Variants in ASIC1 observed in about 807,000 individuals in gnomAD.
ASIC1 encodes the protein acid sensing ion channel subunit 1.
ASIC1 carries 21 observed loss-of-function variants against 63.4 expected under a neutral mutation model. The ratio of observed to expected loss-of-function variants is 0.33; its 90% CI spans 0.23 to 0.48. The LOEUF is 0.48. Among genes scored for constraint, ASIC1 ranks in the 20% least tolerant of loss-of-function variants. The probability of loss-of-function intolerance (pLI) is 0.99; values close to 1 mark genes in which losing one functional copy is unlikely to be tolerated. For synonymous variants in ASIC1, 258 were observed against 278.2 expected, an observed-to-expected ratio of 0.93 and a Z score of 0.72; for missense variants, 478 against 695.5, an observed-to-expected ratio of 0.69 and a Z score of 3.52.
In ASIC1 at chr12:50,074,581, C is replaced by A. The variant is rs1950634563; in HGVS notation, c.559-2632C>A. Among the ~76,000 whole-genome samples, 1 of 152,212 alleles carries A rather than the reference C, an allele frequency of 6.6e-6. No individual in the cohort carries two copies. The highest frequency in any genetic ancestry group is 6.5e-5 in the Admixed American group (1 of 15,290). On this transcript the variant is annotated intron_variant, in intron 3 of 11. Coordinates refer to ENST00000447966, the MANE Select transcript of ASIC1 (RefSeq NM_001095.4). The surrounding 1 kb of genome is among the most constrained non-coding windows in gnomAD (Gnocchi z 4.2). Reference sequence around the variant, plus strand: ...TGGTCCAGCAGGGCCCGGGACCTTGCTCCATCTGTGAGGTCAACCTTTGAT... The same window carrying A: ...TGGTCCAGCAGGGCCCGGGACCTTGATCCATCTGTGAGGTCAACCTTTGAT...
chr12:50,078,560 G>T lies in ASIC1; in HGVS notation c.977G>T (p.Arg326Leu), dbSNP rs757626419. Reference sequence around the variant, plus strand: ...TACCTGGTGGAGAACTGCAACTGCCGCATGGTGCACATGCCAGGTCAGGCC... The same window carrying T: ...TACCTGGTGGAGAACTGCAACTGCCTCATGGTGCACATGCCAGGTCAGGCC... Reference protein sequence around the residue: ...TRYLVENCNCRMVHMPGDAPY... With the variant: ...TRYLVENCNCLMVHMPGDAPY... The change falls in exon 6 of 12, where the codon CGC becomes CTC. Residue 326 changes from arginine to leucine, a missense_variant. By Grantham distance (102) the Arg-to-Leu change is moderately radical (BLOSUM62 -2). Around this residue, in one of 3 missense-constraint regions of ASIC1, gnomAD observed 84 missense variants for 183.5 expected, o/e 0.46. Coordinates refer to ENST00000447966, the MANE Select transcript of ASIC1 (RefSeq NM_001095.4). The surrounding 1 kb of genome is among the most constrained non-coding windows in gnomAD (Gnocchi z 6.0). The T allele has an allele frequency of 3.1e-6, 5 of 1,614,082 alleles. No homozygotes were observed. Among genetic ancestry groups the T allele is most frequent in the South Asian group, 2.2e-5 (2 of 91,082 alleles).
At chr12:50,077,474 C>A (rs1950668387) in intron 4 of ASIC1, 111 bp downstream of exon 4, 2 of 1,433,510 alleles carry the variant, frequency 1.4e-6, no homozygotes, top group Non-Finnish European at 1.9e-6. Flanking sequence ...TTTCCCCTCT[C>A]CCTCCAGCAT....
chr12:50,080,086 C>T (rs1460766827), intron 8 of ASIC1, 31 bp downstream of exon 8: 1 of 1,584,746 alleles, frequency 6.3e-7, no homozygotes, highest in South Asian at 1.2e-5. Context: ...GAGCAAGGCC[C>T]TTGGGTTGGG....
At position 50,073,749 on chromosome 12, in the gene ASIC1, C is replaced by A. The variant is rs142317660; in HGVS notation, c.559-3464C>A. On this transcript the variant is annotated intron_variant, in intron 3 of 11. Coordinates refer to ENST00000447966, the MANE Select transcript of ASIC1 (RefSeq NM_001095.4). ...AAAAGGAGGCAGTGAGGAAGGAGGC[C>A]AGTGAGGGGCATTCACCCATGGACT... is the stretch of plus-strand genomic sequence containing the variant. The A allele has an allele frequency of 8.2e-3, 12,623 of 1,536,312 alleles. 85 individuals are homozygous for A. The highest frequency in any genetic ancestry group is 0.01 in the Non-Finnish European group (11,550 of 1,146,770).
intron 7 of ASIC1, 100 bp from the exon 8 acceptor site, chr12:50,079,800 AAG>A (rs1334053911): frequency 7.2e-7 from 1 of 1,382,484 alleles, no homozygotes; most frequent in African/African-American, 1.5e-5. Context: ...CGGAAAGAGA[AAG>A]GGGCCCAGAG....
Position 50,058,863 on chromosome 12 carries a change from A to G in ASIC1, c.97A>G (p.Ile33Val), listed in dbSNP as rs371256324. The G allele has an allele frequency of 4.3e-6, 7 of 1,614,062 alleles. No homozygotes were observed. The highest frequency in any genetic ancestry group is 5.9e-6 in the Non-Finnish European group (7 of 1,180,000). Residue 33 changes from isoleucine (I) to valine (V), a missense_variant, in exon 2 of 12, where the codon ATC becomes GTC. By Grantham distance (29) the Ile-to-Val change is conservative (BLOSUM62 3). Coordinates refer to ENST00000447966, the MANE Select transcript of ASIC1 (RefSeq NM_001095.4). Reference protein sequence around the residue: ...SSSTLHGLAHIFSYERLSLKR... With the variant: ...SSSTLHGLAHVFSYERLSLKR... ...CTCCACACTGCACGGCCTGGCCCAC[A>G]TCTTCTCCTACGAGCGGCTGTCTCT...
intron 9 of ASIC1, 125 bp from the exon 10 acceptor site, chr12:50,080,977 C>T (rs953329990): frequency 9.6e-6 from 9 of 941,604 alleles, no homozygotes; most frequent in East Asian, 2.6e-5. Flanking sequence ...TCTGGCTTTG[C>T]GATCCTTCTG....
chr12:50,077,191 C>A (rs775656812), intron 3 of ASIC1, 22 bp from the exon 4 acceptor site: 3 of 1,603,110 alleles, frequency 1.9e-6, no homozygotes, highest in East Asian at 4.5e-5. Flanking sequence ...GACTCTTAGG[C>A]TCTCCACTCT....
chr12:50,058,283 C>T (rs1950466146), intron 1 of ASIC1, among the ~76,000 whole-genome samples: 1 of 152,190 alleles, frequency 6.6e-6, no homozygotes, highest in Non-Finnish European at 1.5e-5. Context: ...TTTTCTGGCC[C>T]CAGTTTAGCC....
chr12:50,072,150 G>A (rs1323559676), intron 3 of ASIC1, among the ~76,000 whole-genome samples: 2 of 152,200 alleles, frequency 1.3e-5, no homozygotes, highest in Non-Finnish European at 2.9e-5. Flanking sequence ...AATGGAGAAG[G>A]GAAGATGGTG....
At position 50,082,127 on chromosome 12, in the gene ASIC1, G is replaced by C. The variant is rs1393468729; in HGVS notation, c.*478G>C. On this transcript the variant is annotated 3_prime_UTR_variant, in exon 12 of 12. Coordinates refer to ENST00000447966, the MANE Select transcript of ASIC1 (RefSeq NM_001095.4). ...GAGGGAGGCTTCCCCAGCCTTAAGA[G>C]ACCCTCTCAGCCCAGTGACTGTCCC... 6.0e-6 allele frequency: 1 copy of C among 165,818 alleles called. No homozygotes were observed. Among genetic ancestry groups the C allele is most frequent in the Non-Finnish European group, 1.3e-5 (1 of 76,474 alleles). 10.3% of individuals were successfully genotyped at this position (165,818 alleles called of 1,614,324 possible). A position where few individuals can be genotyped will look rare whatever the true frequency, so the allele number is the denominator to read the frequency against.
At chr12:50,075,884 C>G (rs902230737) in intron 3 of ASIC1, among the ~76,000 whole-genome samples, 2 of 152,202 alleles carry the variant, frequency 1.3e-5, no homozygotes, top group African/African-American at 4.8e-5. Context: ...CTCTTTGCAG[C>G]TTTTTAATCA....
In ASIC1 at chr12:50,057,811, C is replaced by G. The variant is rs1950459520; in HGVS notation, c.-122C>G. On this transcript the variant is annotated 5_prime_UTR_variant, in exon 1 of 12. Transcript: ENST00000447966. The surrounding 1 kb of genome is among the most constrained non-coding windows in gnomAD (Gnocchi z 4.7). ...CGCGGCGTGCCGCGGCGGCCGCGGGCTCCGGCCCCGGGCCATGAGCCCCTC... is the reference window on the plus strand; with the variant it reads ...CGCGGCGTGCCGCGGCGGCCGCGGGGTCCGGCCCCGGGCCATGAGCCCCTC... 6.7e-6 allele frequency: 1 copy of G among 150,262 alleles called. No homozygotes were observed. The highest frequency in any genetic ancestry group is 2.1e-4 in the South Asian group (1 of 4,828). 9.3% of individuals were successfully genotyped at this position (150,262 alleles called of 1,614,324 possible). A position where few individuals can be genotyped will look rare whatever the true frequency, so the allele number is the denominator to read the frequency against.
Position 50,068,943 on chromosome 12 carries a change from G to A in ASIC1, c.559-8270G>A, listed in dbSNP as rs983135665. On this transcript the variant is annotated intron_variant, in intron 3 of 11. Coordinates refer to ENST00000447966, the MANE Select transcript of ASIC1 (RefSeq NM_001095.4). ...TTCTATATCCTTCACTCTGCAGCCA[G>A]AGTGGTCTTTTCAAATCAAAGCTCT... is the stretch of plus-strand genomic sequence containing the variant. 6.6e-5 allele frequency among the ~76,000 whole-genome samples: 10 copies of A among 152,268 alleles called. No individual in the cohort carries two copies. In the East Asian group the frequency reaches 1.5e-3, roughly 24 times the overall value.
At chr12:50,064,078 G>T (rs994074899) in intron 3 of ASIC1, among the ~76,000 whole-genome samples, 1 of 152,142 alleles carries the variant, frequency 6.6e-6, no homozygotes, top group Non-Finnish European at 1.5e-5. Context: ...CTTCATGGGT[G>T]GGAAGGGGGA....
Position 50,058,901 on chromosome 12 carries a change from G to A in ASIC1, c.135G>A (p.Leu45=), listed in dbSNP as rs1162160669. 1.2e-6 allele frequency: 2 copies of A among 1,614,014 alleles called. No individual in the cohort carries two copies. The highest frequency in any genetic ancestry group is 2.7e-5 in the African/African-American group (2 of 74,932). The part of the protein sequence containing the change: ...SYERLSLKRA[L]WALCFLGSLA... ...AGCGGCTGTCTCTGAAGCGGGCACT[G>A]TGGGCCCTGTGCTTCCTGGGCTCCC... is the stretch of plus-strand genomic sequence containing the variant. Residue 45 remains leucine, a synonymous_variant, in exon 2 of 12, where the codon CTG becomes CTA. Coordinates refer to ENST00000447966, the MANE Select transcript of ASIC1 (RefSeq NM_001095.4).
At position 50,081,304 on chromosome 12, in the gene ASIC1, G is replaced by A. The variant is rs1401485025; in HGVS notation, c.1422G>A (p.Glu474=). 1.2e-6 allele frequency: 2 copies of A among 1,610,838 alleles called. No individual in the cohort carries two copies. Among genetic ancestry groups the A allele is most frequent in the Non-Finnish European group, 1.7e-6 (2 of 1,178,626 alleles). ...KLCRRGKCQK[E]AKRSSADKGV... ...GCCGACGAGGAAAATGCCAGAAGGA[G>A]GCCAAAAGGAGCAGTGCGGACAAGG... Residue 474 remains glutamate (E), a synonymous_variant, in exon 11 of 12, where the codon GAG becomes GAA. Coordinates refer to ENST00000447966, the MANE Select transcript of ASIC1 (RefSeq NM_001095.4).
rs1950666202 is a variant in ASIC1, at chr12:50,077,301, A to G, written c.647A>G (p.Asn216Ser). The change falls in exon 4 of 12, where the codon AAT (asparagine) becomes AGT (serine). Residue 216 changes from asparagine to serine, a missense_variant. Asn to Ser is a conservative substitution (Grantham distance 46). Around this residue, in one of 3 missense-constraint regions of ASIC1, gnomAD observed 290 missense variants for 414.9 expected, o/e 0.70. Transcript: ENST00000447966. ...RLKTMKGGTG[N>S]GLEIMLDIQQ... ...AAGACCATGAAGGGTGGGACGGGCA[A>G]TGGGCTGGAAATCATGCTGGACATC... is the stretch of plus-strand genomic sequence containing the variant. 5 of 1,614,044 alleles carry G rather than the reference A, an allele frequency of 3.1e-6. No individual in the cohort carries two copies. The highest frequency in any genetic ancestry group is 1.3e-5 in the African/African-American group (1 of 74,928).
In ASIC1 at chr12:50,059,204, C is replaced by A. The variant is rs1265034470; in HGVS notation, c.362+76C>A. 1 of 1,559,418 alleles carries A rather than the reference C, an allele frequency of 6.4e-7. No individual in the cohort carries two copies. The highest frequency in any genetic ancestry group is 1.3e-5 in the African/African-American group (1 of 74,436). The stretch of plus-strand genomic sequence containing the variant: ...CCAGTCAGGATGTCTGCCTCCCTGA[C>A]CCACCATAGAGCCCAGCCAACCCTG... On this transcript the variant is annotated intron_variant, in intron 2 of 11. Transcript: ENST00000447966. The surrounding 1 kb of genome is among the most constrained non-coding windows in gnomAD (Gnocchi z 4.6).
Sources: allele counts gnomAD v4.1 joint callset (sites outside exome capture counted in the v4.1 genomes callset), GRCh38; gene constraint gnomAD v4.1.1; regional missense constraint gnomAD v4.1.1; non-coding constraint Gnocchi (gnomAD v3.1); transcripts MANE v1.5; gene names NCBI Gene and HGNC (gene_info 2026-07-23, HGNC 2026-07-21).